The following DPYD variants were observed in gnomAD, a reference collection of about 807,000 sequenced individuals.
DPYD encodes the protein dihydropyrimidine dehydrogenase [NADP(+)].
In DPYD, 109 loss-of-function variants were observed where a neutral mutation model predicts 116.2. That is an observed-to-expected ratio of 0.94 (90% CI 0.80 to 1.10). The LOEUF is 1.10. Ranked by LOEUF, DPYD falls within the 50% of genes least tolerant of loss-of-function variation. DPYD has a pLI of 0.00. For missense variants in DPYD, 1,302 were observed against 1,254.5 expected, an observed-to-expected ratio of 1.04 and a Z score of -0.57; for synonymous variants, 440 against 432.0, an observed-to-expected ratio of 1.02 and a Z score of -0.23.
chr1:97,410,588 T>C (rs900540580), intron 14 of DPYD, among the ~76,000 whole-genome samples: 1 of 152,128 alleles, frequency 6.6e-6, no homozygotes, highest in Non-Finnish European at 1.5e-5. Flanking sequence ...CTTTAAAAAA[T>C]ATGCCATCGG....
intron 16 of DPYD, among the ~76,000 whole-genome samples, chr1:97,330,425 A>G (rs1668926640): frequency 6.6e-6 from 1 of 152,146 alleles, no homozygotes; most frequent in African/African-American, 2.4e-5. Flanking sequence ...ATGTTATATA[A>G]CCAGTCTGTA....
At chr1:97,807,198 G>A (rs981276575) in intron 3 of DPYD, among the ~76,000 whole-genome samples, 12 of 152,004 alleles carry the variant, frequency 7.9e-5, no homozygotes, top group African/African-American at 2.9e-4. Context: ...TGCTGGACTG[G>A]ATAGTAAGAG....
In DPYD at chr1:97,358,158, C is replaced by T. The variant is rs74538697; in HGVS notation, c.2058+15403G>A. Among the ~76,000 whole-genome samples, 97 of 152,328 alleles carry T rather than the reference C, an allele frequency of 6.4e-4. 1 individual carries two copies. Among genetic ancestry groups the T allele is most frequent in the South Asian group, 2.1e-3 (10 of 4,826 alleles). On this transcript the variant is annotated intron_variant, in intron 16 of 22. Coordinates refer to ENST00000370192, the MANE Select transcript of DPYD (RefSeq NM_000110.4). ...CACACCAGGAGATTATATCCTGCGC[C>T]TGGCTCAGTGGATTCCAAGCCCAAG...
At chr1:97,451,188 G>A (rs767783170) in intron 13 of DPYD, among the ~76,000 whole-genome samples, 8 of 151,920 alleles carry the variant, frequency 5.3e-5, no homozygotes, top group Non-Finnish European at 1.2e-4. Context: ...AACAATTAGC[G>A]TAATAGGCAT....
intron 8 of DPYD, among the ~76,000 whole-genome samples, chr1:97,674,919 G>A (rs942698305): frequency 6.6e-6 from 1 of 152,034 alleles, no homozygotes; most frequent in African/African-American, 2.4e-5. Flanking sequence ...GTATACTATG[G>A]GAAAAAGGTG....
At chr1:97,861,832 T>C (rs1671132998) in intron 2 of DPYD, among the ~76,000 whole-genome samples, 1 of 152,034 alleles carries the variant, frequency 6.6e-6, no homozygotes, top group African/African-American at 2.4e-5. Context: ...AATGTTGCTG[T>C]GGAAGTATAA....
chr1:97,379,086 C>T (rs992014894), intron 15 of DPYD, among the ~76,000 whole-genome samples: 1 of 152,154 alleles, frequency 6.6e-6, no homozygotes, highest in Non-Finnish European at 1.5e-5. Context: ...AAGACAGGGT[C>T]TTACAGAATA....
At chr1:97,894,683 A>C (rs1254235637) in intron 1 of DPYD, among the ~76,000 whole-genome samples, 1 of 151,758 alleles carries the variant, frequency 6.6e-6, no homozygotes, top group Non-Finnish European at 1.5e-5. Flanking sequence ...TAACATATAT[A>C]CTTTATATAT....
chr1:97,413,731 C>T (rs2101675489), intron 14 of DPYD, among the ~76,000 whole-genome samples: 1 of 152,280 alleles, frequency 6.6e-6, no homozygotes, highest in South Asian at 2.1e-4. Flanking sequence ...ACCTCAGCCT[C>T]CCAAAGTGCT....
chr1:97,737,026 T>C (rs1357020719), intron 4 of DPYD, among the ~76,000 whole-genome samples: 2 of 152,134 alleles, frequency 1.3e-5, no homozygotes, highest in East Asian at 3.8e-4. Flanking sequence ...CTCACCTATT[T>C]TTGCCCAACT....
chr1:97,913,177 G>T (rs972172225), intron 1 of DPYD, among the ~76,000 whole-genome samples: 6 of 152,056 alleles, frequency 3.9e-5, no homozygotes, highest in Non-Finnish European at 1.5e-5. Flanking sequence ...GCGAAATTTA[G>T]ATTTAGCTAC....
chr1:97,747,676 A>C (rs148912643), intron 3 of DPYD, among the ~76,000 whole-genome samples: 1 of 152,200 alleles, frequency 6.6e-6, no homozygotes, highest in Admixed American at 6.5e-5. Flanking sequence ...ATATGCATGG[A>C]CCCAGACTTT....
At chr1:97,704,682 G>A (rs1051566780) in intron 5 of DPYD, among the ~76,000 whole-genome samples, 1 of 151,836 alleles carries the variant, frequency 6.6e-6, no homozygotes. Flanking sequence ...TTAGAATATA[G>A]TTCCCTATTG....
chr1:97,786,054 C>T (rs913067837), intron 3 of DPYD, among the ~76,000 whole-genome samples: 4 of 148,132 alleles, frequency 2.7e-5, no homozygotes, highest in Admixed American at 1.4e-4. Flanking sequence ...CTTGGGTCAA[C>T]GATATGCCTC....
At chr1:97,783,947 G>A (rs1426139457) in intron 3 of DPYD, among the ~76,000 whole-genome samples, 2 of 152,282 alleles carry the variant, frequency 1.3e-5, no homozygotes, top group South Asian at 2.1e-4. Flanking sequence ...TACCTCAGCA[G>A]AGGCAAGTTC....
chr1:97,600,606 G>A (rs1399773741), intron 8 of DPYD, among the ~76,000 whole-genome samples: 1 of 152,032 alleles, frequency 6.6e-6, no homozygotes, highest in African/African-American at 2.4e-5. Flanking sequence ...TATGACCTTG[G>A]CCAAATAAAT....
chr1:97,220,480 T>C (rs1413235), intron 19 of DPYD, among the ~76,000 whole-genome samples: 112,267 of 152,062 alleles, frequency 0.74, 42,785 homozygotes, highest in East Asian at 0.99. Context: ...GACATCACTC[T>C]TGTGAGGGAG....
chr1:97,611,771 T>A (rs1655966838), intron 8 of DPYD, among the ~76,000 whole-genome samples: 1 of 152,024 alleles, frequency 6.6e-6, no homozygotes, highest in South Asian at 2.1e-4. Context: ...AAGAATAAGA[T>A]CCTTAATAGC....
At chr1:97,659,038 C>A (rs538430943) in intron 8 of DPYD, among the ~76,000 whole-genome samples, 2 of 152,242 alleles carry the variant, frequency 1.3e-5, no homozygotes, top group African/African-American at 4.8e-5. Flanking sequence ...TTCTATGGCT[C>A]CCTCCCTGAC....
Sources: allele counts gnomAD v4.1 joint callset (sites outside exome capture counted in the v4.1 genomes callset), GRCh38; gene constraint gnomAD v4.1.1; transcripts MANE v1.5; gene names NCBI Gene and HGNC (gene_info 2026-07-23, HGNC 2026-07-21).